CPNE4: variants seen among roughly 807,000 people sequenced by gnomAD.
CPNE4 encodes copine-4.
Under a neutral mutation model 67.9 loss-of-function variants are expected in CPNE4, and 25 were observed. The observed-to-expected ratio is 0.37, with a 90% CI of 0.27 to 0.51. CPNE4 has a LOEUF of 0.51. Ranked by LOEUF, CPNE4 falls within the 20% of genes least tolerant of loss-of-function variation. CPNE4 has a pLI of 0.93. For synonymous variants in CPNE4, 242 were observed against 244.9 expected, an observed-to-expected ratio of 0.99 and a Z score of 0.11; for missense variants, 464 against 690.8, an observed-to-expected ratio of 0.67 and a Z score of 3.68.
chr3:131,870,730 G>A (rs1336386048), intron 2 of CPNE4, among the ~76,000 whole-genome samples: 1 of 152,092 alleles, frequency 6.6e-6, no homozygotes, highest in Non-Finnish European at 1.5e-5. Context: ...GATGTTCTGA[G>A]AAAGGATGCT....
chr3:131,613,433 A>T (rs1324620415), intron 7 of CPNE4, among the ~76,000 whole-genome samples: 3 of 152,194 alleles, frequency 2.0e-5, no homozygotes, highest in Non-Finnish European at 4.4e-5. Flanking sequence ...TTTTCTCAGC[A>T]TGAGTTTCCA....
intron 1 of CPNE4, among the ~76,000 whole-genome samples, chr3:131,905,983 G>A (rs769074132): frequency 6.6e-6 from 1 of 152,068 alleles, no homozygotes; most frequent in Non-Finnish European, 1.5e-5. Context: ...CAAGACAGAG[G>A]CCCAGCATCT....
chr3:131,955,418 T>TTTTTTTTTTTTTTG (rs1560674350), intron 1 of CPNE4, among the ~76,000 whole-genome samples: 3 of 121,144 alleles, frequency 2.5e-5, no homozygotes, highest in Non-Finnish European at 5.1e-5. Flanking sequence ...AGGTTTTTTT[T>TTTTTTTTTTTTTTG]TTTTTTTTTT....
At chr3:131,800,050 T>C (rs958195004) in intron 2 of CPNE4, among the ~76,000 whole-genome samples, 1 of 152,016 alleles carries the variant, frequency 6.6e-6, no homozygotes, top group Non-Finnish European at 1.5e-5. Context: ...ATGGGTATAT[T>C]GTGTGATGCT....
chr3:131,662,756 C>A (rs1379086875), intron 7 of CPNE4, among the ~76,000 whole-genome samples: 2 of 152,174 alleles, frequency 1.3e-5, no homozygotes, highest in Non-Finnish European at 2.9e-5. Flanking sequence ...ATCAAAACCA[C>A]AATGAGATAC....
At chr3:131,554,678 T>A (rs1000872125) in intron 12 of CPNE4, among the ~76,000 whole-genome samples, 2 of 151,430 alleles carry the variant, frequency 1.3e-5, no homozygotes, top group Non-Finnish European at 2.9e-5. Context: ...AGGGAGCAAA[T>A]GTCAGCATCT....
At chr3:132,013,352 CAAGG>C (rs1373522196) in intron 1 of CPNE4, among the ~76,000 whole-genome samples, 1 of 152,070 alleles carries the variant, frequency 6.6e-6, no homozygotes, top group African/African-American at 2.4e-5. Context: ...GAATAAAACA[CAAGG>C]AAGATTTCTC....
rs372755363 is a variant in CPNE4, at chr3:131,954,957, C to T, written c.-1-49513G>A. On this transcript the variant is annotated intron_variant, in intron 1 of 15. Transcript: ENST00000429747. ...TGTGAACAGTGCCGCAATAAACATA[C>T]GTATGCATGTGAAAAAAAAAAAAAA... Among the ~76,000 whole-genome samples the T allele has an allele frequency of 1.3e-4, 18 of 134,586 alleles. 1 individual carries two copies. The highest frequency in any genetic ancestry group is 4.3e-4 in the African/African-American group (16 of 37,174). The allele number at this position is 134,586 out of a possible 152,430, so 88.3% of individuals were successfully genotyped here.
chr3:131,619,399 C>T (rs911223018), intron 7 of CPNE4, among the ~76,000 whole-genome samples: 4 of 152,030 alleles, frequency 2.6e-5, no homozygotes, highest in Non-Finnish European at 5.9e-5. Flanking sequence ...AGTCAGCATC[C>T]CTCAGCTGTA....
intron 1 of CPNE4, among the ~76,000 whole-genome samples, chr3:131,922,599 T>C (rs1482658106): frequency 6.6e-6 from 1 of 152,326 alleles, no homozygotes; most frequent in East Asian, 1.9e-4. Flanking sequence ...GATGCTCAAA[T>C]GGATGAGTAT....
intron 1 of CPNE4, among the ~76,000 whole-genome samples, chr3:131,944,721 T>A (rs962182771): frequency 3.1e-5 from 4 of 128,966 alleles, no homozygotes; most frequent in Non-Finnish European, 7.4e-5. Context: ...TACATCTTAA[T>A]TTTTTTACTC....
chr3:131,586,846 G>A (rs1559942444), intron 8 of CPNE4, among the ~76,000 whole-genome samples: 2 of 152,138 alleles, frequency 1.3e-5, no homozygotes, highest in Admixed American at 6.5e-5. Flanking sequence ...GTGTGGGACA[G>A]TGTGTCTTAG....
At position 131,765,056 on chromosome 3, in the gene CPNE4, A is replaced by G. The variant is rs1024575447; in HGVS notation, c.181-41431T>C. ...TGTCACTGGTATTATCTTCCCTTCA[A>G]GGAGACTTGGTTCAAGCTTCTAGCA... is the stretch of plus-strand genomic sequence containing the variant. On this transcript the variant is annotated intron_variant, in intron 2 of 15. Coordinates refer to ENST00000429747, the MANE Select transcript of CPNE4 (RefSeq NM_130808.3). 4.6e-5 allele frequency among the ~76,000 whole-genome samples: 7 copies of G among 152,236 alleles called. No individual in the cohort carries two copies. In the South Asian group the frequency reaches 1.2e-3, roughly 27 times the overall value.
chr3:131,817,155 T>C (rs950590995), intron 2 of CPNE4, among the ~76,000 whole-genome samples: 9 of 152,054 alleles, frequency 5.9e-5, no homozygotes, highest in Admixed American at 4.6e-4. Flanking sequence ...TGTGGAAAGG[T>C]CACAAGCACT....
intron 2 of CPNE4, among the ~76,000 whole-genome samples, chr3:131,878,665 CA>C: frequency 6.6e-6 from 1 of 152,264 alleles, no homozygotes; most frequent in Non-Finnish European, 1.5e-5. Context: ...AAGACTTGGG[CA>C]AAATCTCATG....
At chr3:131,674,581 T>C (rs1181437629) in intron 6 of CPNE4, among the ~76,000 whole-genome samples, 3 of 152,028 alleles carry the variant, frequency 2.0e-5, no homozygotes, top group African/African-American at 7.2e-5. Flanking sequence ...TTTATCCATT[T>C]CTTCCAGGTT....
At chr3:131,709,835 C>T (rs1388689625) in intron 3 of CPNE4, among the ~76,000 whole-genome samples, 1 of 152,236 alleles carries the variant, frequency 6.6e-6, no homozygotes, top group African/African-American at 2.4e-5. Flanking sequence ...GCCTGGAACA[C>T]TTTTCTGGAT....
At chr3:131,898,658 T>A (rs1158156450) in intron 2 of CPNE4, among the ~76,000 whole-genome samples, 1 of 152,092 alleles carries the variant, frequency 6.6e-6, no homozygotes, top group African/African-American at 2.4e-5. Context: ...TTTTCCTGTA[T>A]CTAAGTGCAT....
chr3:131,884,962 T>C (rs889550284), intron 2 of CPNE4, among the ~76,000 whole-genome samples: 3 of 152,166 alleles, frequency 2.0e-5, no homozygotes, highest in Admixed American at 6.5e-5. Flanking sequence ...TGAAATAATA[T>C]AGTAAATTTG....
Sources: gnomAD v4.1 joint callset for allele counts (sites outside exome capture counted in the v4.1 genomes callset) on GRCh38, gnomAD v4.1.1 for gene constraint, MANE v1.5 for transcripts, NCBI Gene and HGNC (gene_info 2026-07-23, HGNC 2026-07-21) for gene names.